The following NAALADL2 variants were observed in gnomAD, a reference collection of about 807,000 sequenced individuals.
NAALADL2 encodes inactive N-acetylated-alpha-linked acidic dipeptidase-like protein 2.
A neutral mutation model predicts 87.2 loss-of-function variants in NAALADL2; 76 were observed. The ratio of observed to expected loss-of-function variants is 0.87; its 90% CI spans 0.72 to 1.05. NAALADL2 has a LOEUF of 1.05. NAALADL2 is among the 50% of genes least tolerant of loss of function. The probability of loss-of-function intolerance (pLI) is 0.00; values close to 1 mark genes in which losing one functional copy is unlikely to be tolerated. For synonymous variants in NAALADL2, 354 were observed against 331.0 expected (o/e 1.07, Z -0.75); for missense variants, 1,089 against 945.8 (o/e 1.15, Z -1.99).
At chr3:175,718,195 G>GTTGTTTT in intron 11 of NAALADL2, 1 of 822,738 alleles carries the variant, frequency 1.2e-6, no homozygotes. Flanking sequence ...AGGGCCTGTG[G>GTTGTTTT]TTTTTTTTTT....
At chr3:174,822,376 A>G (rs1721525210) in intron 3 of NAALADL2, among the ~76,000 whole-genome samples, 1 of 152,164 alleles carries the variant, frequency 6.6e-6, no homozygotes, top group Non-Finnish European at 1.5e-5. Context: ...AGAAGTCTGG[A>G]ATTTTATGGG....
chr3:174,675,069 G>A (rs1726920569), intron 2 of NAALADL2, among the ~76,000 whole-genome samples: 1 of 151,952 alleles, frequency 6.6e-6, no homozygotes, highest in Non-Finnish European at 1.5e-5. Context: ...TGTTTTAATG[G>A]TTTCTGCTGT....
chr3:174,841,608 G>A (rs1724031358), intron 3 of NAALADL2, among the ~76,000 whole-genome samples: 1 of 152,206 alleles, frequency 6.6e-6, no homozygotes, highest in Non-Finnish European at 1.5e-5. Context: ...AGATCACTCT[G>A]TGGCTGGAAA....
chr3:174,877,337 C>A (rs1728635286), intron 1 of NAALADL2, among the ~76,000 whole-genome samples: 1 of 152,026 alleles, frequency 6.6e-6, no homozygotes, highest in South Asian at 2.1e-4. Context: ...GCCAGTGTAT[C>A]CTTAGGGATT....
At position 175,344,631 on chromosome 3, in the gene NAALADL2, G is replaced by A. The variant is rs1000225459; in HGVS notation, c.1090+20306G>A. On this transcript the variant is annotated intron_variant, in intron 5 of 13. Coordinates refer to ENST00000454872, the MANE Select transcript of NAALADL2 (RefSeq NM_207015.3). ...CCTGCTAACTATGGACTATTGACACGTAAGATTATCGTGAAAATAAATGAA... is the reference window on the plus strand; with the variant it reads ...CCTGCTAACTATGGACTATTGACACATAAGATTATCGTGAAAATAAATGAA... Among the ~76,000 whole-genome samples, 20 of 151,776 alleles carry A rather than the reference G, an allele frequency of 1.3e-4. 1 individual carries two copies. The highest frequency in any genetic ancestry group is 3.9e-4 in the Admixed American group (6 of 15,192).
At chr3:174,644,492 A>G (rs1723578477) in intron 2 of NAALADL2, among the ~76,000 whole-genome samples, 1 of 152,016 alleles carries the variant, frequency 6.6e-6, no homozygotes, top group Non-Finnish European at 1.5e-5. Context: ...CCAGGGTGGC[A>G]GAGGTGGAAG....
intron 11 of NAALADL2, among the ~76,000 whole-genome samples, chr3:175,680,713 C>G (rs900392212): frequency 2.0e-5 from 3 of 152,180 alleles, no homozygotes; most frequent in Admixed American, 6.5e-5. Flanking sequence ...CTGTCCAAAC[C>G]TGAATTTACC....
chr3:174,798,835 G>C (rs1226199877), intron 3 of NAALADL2, among the ~76,000 whole-genome samples: 1 of 151,744 alleles, frequency 6.6e-6, no homozygotes, highest in Non-Finnish European at 1.5e-5. Flanking sequence ...GATTCCTATG[G>C]ATTTTTTTAT....
At chr3:175,128,427 C>A (rs1349021254) in intron 2 of NAALADL2, among the ~76,000 whole-genome samples, 1 of 151,206 alleles carries the variant, frequency 6.6e-6, no homozygotes, top group Non-Finnish European at 1.5e-5. Context: ...AACAAAGGAC[C>A]ATTTGATTAG....
intron 9 of NAALADL2, among the ~76,000 whole-genome samples, chr3:175,538,335 A>G (rs1711640104): frequency 6.6e-6 from 1 of 152,110 alleles, no homozygotes; most frequent in Admixed American, 6.6e-5. Context: ...AGGGTATAAA[A>G]TATTAACATT....
chr3:175,712,871 A>C (rs1048687103), intron 11 of NAALADL2, among the ~76,000 whole-genome samples: 1 of 152,000 alleles, frequency 6.6e-6, no homozygotes, highest in Non-Finnish European at 1.5e-5. Context: ...CCAAATTACT[A>C]TGAGGGTTAG....
In NAALADL2 at chr3:175,361,694, G is replaced by A. The variant is rs1449987360; in HGVS notation, c.1090+37369G>A. Among the ~76,000 whole-genome samples the A allele has an allele frequency of 8.8e-5, 13 of 148,158 alleles. 2 individuals carry two copies. Among genetic ancestry groups the A allele is most frequent in the South Asian group, 2.2e-4 (1 of 4,484 alleles). On this transcript the variant is annotated intron_variant, in intron 5 of 13. Transcript: ENST00000454872. ...TGAGAAGTGTCTGTTCATATCCTTC[G>A]CCCACTTTTTGATGGGGTTGTTTGA... is the stretch of plus-strand genomic sequence containing the variant.
rs544451263 is a variant in NAALADL2 at position 175,366,025 on chromosome 3, C to T, written c.1090+41700C>T. Among the ~76,000 whole-genome samples the T allele has an allele frequency of 4.8e-3, 393 of 82,464 alleles. 13 individuals are homozygous for T. The highest frequency in any genetic ancestry group is 0.017 in the African/African-American group (365 of 22,038). The allele number at this position is 82,464 out of a possible 152,430, so 54.1% of individuals were successfully genotyped here. ...CCTAATGCTAACCCTCCCCCCTCCC[C>T]CCACCCCAGAGTGTGATGTTCCCCT... On this transcript the variant is annotated intron_variant, in intron 5 of 13. Transcript: ENST00000454872.
chr3:175,483,223 T>C (rs1726765582), intron 9 of NAALADL2, among the ~76,000 whole-genome samples: 2 of 151,682 alleles, frequency 1.3e-5, no homozygotes, highest in African/African-American at 2.4e-5. Context: ...TATGGAGATA[T>C]GTTGGAGGAA....
chr3:175,650,248 A>G (rs748539941), intron 11 of NAALADL2, among the ~76,000 whole-genome samples: 13 of 152,208 alleles, frequency 8.5e-5, no homozygotes, highest in Non-Finnish European at 1.6e-4. Flanking sequence ...TTGGATTTGT[A>G]TGAAGTGTCC....
At chr3:175,708,558 A>G (rs1740063466) in intron 11 of NAALADL2, among the ~76,000 whole-genome samples, 1 of 152,016 alleles carries the variant, frequency 6.6e-6, no homozygotes, top group African/African-American at 2.4e-5. Flanking sequence ...TGATGGACAA[A>G]GTAGAGACGG....
At chr3:175,665,792 G>A (rs1407851734) in intron 11 of NAALADL2, among the ~76,000 whole-genome samples, 3 of 152,008 alleles carry the variant, frequency 2.0e-5, no homozygotes, top group African/African-American at 2.4e-5. Context: ...TTAGCTGGAC[G>A]TGGTGGTGCA....
At chr3:174,772,702 G>T (rs1714728343) in intron 3 of NAALADL2, among the ~76,000 whole-genome samples, 2 of 152,080 alleles carry the variant, frequency 1.3e-5, no homozygotes, top group South Asian at 4.1e-4. Context: ...CTGCGTTCTG[G>T]TATTGATAGG....
At chr3:175,738,504 C>G (rs1315307865) in intron 12 of NAALADL2, among the ~76,000 whole-genome samples, 1 of 152,186 alleles carries the variant, frequency 6.6e-6, no homozygotes, top group East Asian at 1.9e-4. Flanking sequence ...GCCTCGGCCT[C>G]CCGAAGTGCT....
Sources: gnomAD v4.1 joint callset for allele counts (sites outside exome capture counted in the v4.1 genomes callset) on GRCh38, gnomAD v4.1.1 for gene constraint, MANE v1.5 for transcripts, NCBI Gene and HGNC (gene_info 2026-07-23, HGNC 2026-07-21) for gene names.